TMEM232: variants seen among roughly 807,000 people sequenced by gnomAD.
TMEM232 encodes transmembrane protein 232.
Under a neutral mutation model 78.8 loss-of-function variants are expected in TMEM232, and 80 were observed. That is an observed-to-expected ratio of 1.01 (90% CI 0.85 to 1.22). TMEM232 has a LOEUF of 1.22. Among genes scored for constraint, TMEM232 ranks in the 50% most tolerant of loss-of-function variants. The pLI, the probability that TMEM232 is intolerant of heterozygous loss-of-function variation, is 0.00. For missense variants in TMEM232, 881 were observed against 742.2 expected, an observed-to-expected ratio of 1.19 and a Z score of -2.17; for synonymous variants, 297 against 254.3, an observed-to-expected ratio of 1.17 and a Z score of -1.60.
intron 1 of TMEM232, among the ~76,000 whole-genome samples, chr5:110,686,567 T>TA (rs879660983): frequency 3.7e-4 from 54 of 146,560 alleles, no homozygotes; most frequent in Non-Finnish European, 4.8e-4. Context: ...TGCGAGTTGA[T>TA]AAAAAAAAAA....
chr5:110,660,651 A>G (rs1230226427), intron 2 of TMEM232, among the ~76,000 whole-genome samples: 1 of 152,150 alleles, frequency 6.6e-6, no homozygotes, highest in Non-Finnish European at 1.5e-5. Context: ...TTAAAAAACA[A>G]GCATGCTTAG....
intron 5 of TMEM232, 105 bp downstream of exon 5, chr5:110,638,093 C>T (rs1192324837): frequency 3.4e-6 from 3 of 888,202 alleles, no homozygotes; most frequent in South Asian, 2.8e-5. Flanking sequence ...AAAGAATATT[C>T]TATAATAAAA....
intron 10 of TMEM232, among the ~76,000 whole-genome samples, chr5:110,574,262 G>A (rs1045562826): frequency 1.5e-4 from 23 of 151,888 alleles, no homozygotes; most frequent in African/African-American, 4.8e-4. Flanking sequence ...TTACCTTTTC[G>A]CTTCTTGGTA....
intron 12 of TMEM232, among the ~76,000 whole-genome samples, chr5:110,461,443 G>A (rs1215973853): frequency 6.6e-6 from 1 of 152,160 alleles, no homozygotes; most frequent in Admixed American, 6.5e-5. Context: ...GAAGCTTAAG[G>A]AAATAAGTTG....
chr5:110,449,912 G>A (rs569402148), intron 12 of TMEM232, among the ~76,000 whole-genome samples: 35 of 152,120 alleles, frequency 2.3e-4, no homozygotes, highest in Non-Finnish European at 4.7e-4. Flanking sequence ...CATGATTATT[G>A]ATACAGCTTG....
In TMEM232 at chr5:110,458,953, T is replaced by A. The variant is rs183210776; in HGVS notation, c.1704-34037A>T. On this transcript the variant is annotated intron_variant, in intron 12 of 13. Transcript: ENST00000455884. ...TTCTACTGAGTTATTTTTTTCTTCTTACTTTCAGCTTTATGTAGTATATCA... is the reference window on the plus strand; with the variant it reads ...TTCTACTGAGTTATTTTTTTCTTCTAACTTTCAGCTTTATGTAGTATATCA... Among the ~76,000 whole-genome samples, 291 of 152,232 alleles carry A rather than the reference T, an allele frequency of 1.9e-3. 3 individuals are homozygous for A. Among genetic ancestry groups the A allele is most frequent in the African/African-American group, 4.5e-3 (185 of 41,548 alleles).
At chr5:110,516,884 A>AT (rs1768749379) in intron 12 of TMEM232, among the ~76,000 whole-genome samples, 1 of 152,190 alleles carries the variant, frequency 6.6e-6, no homozygotes, top group Non-Finnish European at 1.5e-5. Flanking sequence ...CAGATACTTC[A>AT]TTAACAAGGA....
intron 1 of TMEM232, among the ~76,000 whole-genome samples, chr5:110,719,269 G>A (rs1797345920): frequency 6.6e-6 from 1 of 151,250 alleles, no homozygotes; most frequent in Non-Finnish European, 1.5e-5. Context: ...TATATGTGCT[G>A]TATATATATA....
intron 12 of TMEM232, 95 bp downstream of exon 12, chr5:110,528,493 C>T: frequency 4.6e-6 from 6 of 1,303,016 alleles, no homozygotes; most frequent in Non-Finnish European, 6.0e-6. Context: ...AGAAGAGAAA[C>T]TGAGTTAAAT....
chr5:110,668,425 T>A (rs970271003), intron 1 of TMEM232, among the ~76,000 whole-genome samples: 2 of 152,076 alleles, frequency 1.3e-5, no homozygotes, highest in African/African-American at 4.8e-5. Flanking sequence ...ATTCCAGTCA[T>A]CCGCCTGTGC....
chr5:110,680,173 A>G (rs1792542887), intron 1 of TMEM232, among the ~76,000 whole-genome samples: 1 of 151,892 alleles, frequency 6.6e-6, no homozygotes, highest in African/African-American at 2.4e-5. Context: ...CTGAGGCAGG[A>G]GGATCATCTG....
chr5:110,445,837 T>C (rs764430331), intron 12 of TMEM232, among the ~76,000 whole-genome samples: 40 of 152,104 alleles, frequency 2.6e-4, no homozygotes, highest in Non-Finnish European at 5.1e-4. Flanking sequence ...AACATGACAA[T>C]TGGTTTATTT....
intron 2 of TMEM232, among the ~76,000 whole-genome samples, chr5:110,662,299 T>A (rs1789907291): frequency 6.6e-6 from 1 of 152,126 alleles, no homozygotes; most frequent in African/African-American, 2.4e-5. Context: ...AATACTGCTA[T>A]GAGAATGCTG....
intron 12 of TMEM232, among the ~76,000 whole-genome samples, chr5:110,478,555 T>C (rs2149390279): frequency 6.6e-6 from 1 of 151,948 alleles, no homozygotes; most frequent in South Asian, 2.1e-4. Flanking sequence ...TTTGCATGAG[T>C]ATATATAAAA....
intron 1 of TMEM232, among the ~76,000 whole-genome samples, chr5:110,685,877 GA>G (rs1222008755): frequency 6.6e-6 from 1 of 152,012 alleles, no homozygotes; most frequent in Admixed American, 6.6e-5. Flanking sequence ...TACATTGAGT[GA>G]AAAAAGCCAA....
chr5:110,646,208 G>C (rs1041535122), intron 2 of TMEM232, among the ~76,000 whole-genome samples: 2 of 151,590 alleles, frequency 1.3e-5, no homozygotes, highest in Non-Finnish European at 3.0e-5. Flanking sequence ...AATCCCAATA[G>C]CATTCTTTAC....
intron 11 of TMEM232, among the ~76,000 whole-genome samples, chr5:110,548,385 T>G (rs1774043782): frequency 6.8e-6 from 1 of 147,930 alleles, no homozygotes; most frequent in Non-Finnish European, 1.5e-5. Context: ...ATAATTAATC[T>G]TAAATATTAA....
chr5:110,676,492 G>T (rs1470798439), intron 1 of TMEM232, among the ~76,000 whole-genome samples: 2 of 150,950 alleles, frequency 1.3e-5, no homozygotes, highest in African/African-American at 2.4e-5. Flanking sequence ...TGCAACTTCC[G>T]CCTCCTGGGC....
chr5:110,656,433 C>T (rs913933974), intron 2 of TMEM232, among the ~76,000 whole-genome samples: 2 of 152,168 alleles, frequency 1.3e-5, no homozygotes, highest in African/African-American at 2.4e-5. Context: ...TTAGTTTGAA[C>T]GTGTGCCTGT....
Sources: allele counts gnomAD v4.1 joint callset (sites outside exome capture counted in the v4.1 genomes callset), GRCh38; gene constraint gnomAD v4.1.1; transcripts MANE v1.5; gene names NCBI Gene and HGNC (gene_info 2026-07-23, HGNC 2026-07-21).